The following HOMER1 variants were observed in gnomAD, a reference collection of about 807,000 sequenced individuals.
The protein encoded by HOMER1 is homer scaffold protein 1.
A neutral mutation model predicts 48.9 loss-of-function variants in HOMER1; 3 were observed. The ratio of observed to expected loss-of-function variants is 0.06; its 90% confidence interval spans 0.03 to 0.16. The LOEUF (loss-of-function observed/expected upper bound fraction) is 0.16. Ranked by LOEUF, HOMER1 falls within the 10% of genes least tolerant of loss-of-function variation. The probability of loss-of-function intolerance (pLI) is 1.00; values close to 1 mark genes in which losing one functional copy is unlikely to be tolerated. For missense variants in HOMER1, 247 were observed against 411.4 expected (o/e 0.60, Z 3.46); for synonymous variants, 134 against 146.4 (o/e 0.92, Z 0.61).
At chr5:79,448,037 T>C (rs1191056615) in intron 3 of HOMER1, among the ~76,000 whole-genome samples, 1 of 152,152 alleles carries the variant, frequency 6.6e-6, no homozygotes, top group Non-Finnish European at 1.5e-5. Context: ...AAGAAAAATT[T>C]TGGAAGGAAA....
chr5:79,508,162 T>G (rs1161113758), intron 1 of HOMER1, among the ~76,000 whole-genome samples: 1 of 152,240 alleles, frequency 6.6e-6, no homozygotes, highest in African/African-American at 2.4e-5. Flanking sequence ...ATGTTCTTAC[T>G]CTGCTTAAAA....
rs976536239 is a variant in HOMER1, at chr5:79,383,012, C to T, written c.877-6815G>A. ...CATACTTTACTTGTAAAAAGGCTTACAGATCAAAAGTAAATGTATGGAAAA... is the reference window on the plus strand; with the variant it reads ...CATACTTTACTTGTAAAAAGGCTTATAGATCAAAAGTAAATGTATGGAAAA... On this transcript the variant is annotated intron_variant, in intron 8 of 8. Transcript: ENST00000334082. 6.6e-5 allele frequency among the ~76,000 whole-genome samples: 10 copies of T among 152,184 alleles called. No homozygotes were observed. In the East Asian group the frequency reaches 1.9e-3, roughly 29 times the overall value.
chr5:79,438,767 G>A (rs1750662603), intron 5 of HOMER1, among the ~76,000 whole-genome samples: 1 of 151,482 alleles, frequency 6.6e-6, no homozygotes, highest in Non-Finnish European at 1.5e-5. Flanking sequence ...TTAGCCTAGT[G>A]CTCCTTTTTC....
chr5:79,458,003 T>TA (rs1751219625), intron 1 of HOMER1, among the ~76,000 whole-genome samples: 1 of 152,196 alleles, frequency 6.6e-6, no homozygotes, highest in African/African-American at 2.4e-5. Flanking sequence ...TGGGAAAACA[T>TA]ACATTCACTA....
intron 1 of HOMER1, among the ~76,000 whole-genome samples, chr5:79,461,504 T>C (rs1751317493): frequency 6.6e-6 from 1 of 152,216 alleles, no homozygotes; most frequent in Admixed American, 6.5e-5. Context: ...AAACACTGTG[T>C]TATATTCTAA....
intron 1 of HOMER1, among the ~76,000 whole-genome samples, chr5:79,458,382 G>T (rs1467964273): frequency 6.6e-6 from 1 of 151,394 alleles, no homozygotes; most frequent in Admixed American, 6.6e-5. Flanking sequence ...ATTTTAATTG[G>T]TAATATTTAA....
intron 6 of HOMER1, among the ~76,000 whole-genome samples, chr5:79,398,924 G>A (rs2112216802): frequency 6.6e-6 from 1 of 152,148 alleles, no homozygotes; most frequent in East Asian, 1.9e-4. Context: ...CTCAGCATGT[G>A]CTTTCTCCAG....
At chr5:79,397,431 C>T in intron 7 of HOMER1, 96 bp downstream of exon 7, 1 of 815,854 alleles carries the variant, frequency 1.2e-6, no homozygotes, top group East Asian at 2.6e-5. Context: ...CACAACCTGA[C>T]TTTATTCCAT....
chr5:79,417,903 A>G (rs1749987748), intron 5 of HOMER1, among the ~76,000 whole-genome samples: 1 of 152,226 alleles, frequency 6.6e-6, no homozygotes, highest in African/African-American at 2.4e-5. Context: ...AGATTTTACC[A>G]AAGCTAAAAT....
intron 4 of HOMER1, among the ~76,000 whole-genome samples, chr5:79,445,524 C>A (rs1398433740): frequency 6.6e-6 from 1 of 152,216 alleles, no homozygotes; most frequent in Non-Finnish European, 1.5e-5. Flanking sequence ...AGTAAAAGGT[C>A]CTTTGTTAAA....
rs374654166 is a variant in HOMER1, at chr5:79,426,981, T to A, written c.527+12029A>T. On this transcript the variant is annotated intron_variant, in intron 5 of 8. Transcript: ENST00000334082. Reference sequence around the variant, plus strand: ...AAAAAAATTGGGTTAATTTAGTGACTTAATTCTGCACTTTGTACATACAGC... The same window carrying A: ...AAAAAAATTGGGTTAATTTAGTGACATAATTCTGCACTTTGTACATACAGC... 5.9e-5 allele frequency among the ~76,000 whole-genome samples: 9 copies of A among 152,316 alleles called. No homozygotes were observed. In the East Asian group the frequency reaches 1.3e-3, roughly 23 times the overall value.
At chr5:79,399,438 T>C (rs553521636) in intron 6 of HOMER1, among the ~76,000 whole-genome samples, 5 of 152,328 alleles carry the variant, frequency 3.3e-5, no homozygotes, top group South Asian at 2.1e-4. Context: ...AGATGACAGT[T>C]TGAAGTTCTG....
intron 1 of HOMER1, among the ~76,000 whole-genome samples, chr5:79,462,165 C>G (rs1222252387): frequency 6.6e-6 from 1 of 151,996 alleles, no homozygotes; most frequent in East Asian, 1.9e-4. Flanking sequence ...CGCCACTGCA[C>G]CCCCAGCCTG....
intron 1 of HOMER1, among the ~76,000 whole-genome samples, chr5:79,500,963 G>GACAGACACACACACACACACAC (rs1426979946): frequency 9.8e-6 from 1 of 101,602 alleles, no homozygotes; most frequent in African/African-American, 3.4e-5. Context: ...GAGACAGACA[G>GACAGACACACACACACACACAC]ACACACACAC....
intron 8 of HOMER1, among the ~76,000 whole-genome samples, chr5:79,379,183 TTATA>T: frequency 9.6e-6 from 1 of 104,278 alleles, no homozygotes; most frequent in East Asian, 2.2e-4. Context: ...ATATATATTT[TTATA>T]TATCTATAAT....
At chr5:79,422,911 C>A (rs1750142362) in intron 5 of HOMER1, among the ~76,000 whole-genome samples, 1 of 129,536 alleles carries the variant, frequency 7.7e-6, no homozygotes, top group Non-Finnish European at 1.6e-5. Context: ...ACATGAAGAA[C>A]AACAAAGATG....
At chr5:79,495,401 T>C (rs1342697610) in intron 1 of HOMER1, among the ~76,000 whole-genome samples, 2 of 152,232 alleles carry the variant, frequency 1.3e-5, no homozygotes, top group Non-Finnish European at 2.9e-5. Context: ...CAAACATGAC[T>C]GGCTATGTGA....
intron 1 of HOMER1, among the ~76,000 whole-genome samples, chr5:79,474,268 A>ATC (rs1337591097): frequency 1.7e-5 from 2 of 119,870 alleles, no homozygotes; most frequent in African/African-American, 6.6e-5. Context: ...GCTCAGGCTG[A>ATC]TCTAGAACTC....
At chr5:79,443,286 A>G (rs1271736605) in intron 4 of HOMER1, among the ~76,000 whole-genome samples, 2 of 152,238 alleles carry the variant, frequency 1.3e-5, no homozygotes, top group Admixed American at 1.3e-4. Flanking sequence ...AATACTCACA[A>G]CTGAATTAGG....
Sources: gnomAD v4.1 joint callset for allele counts (sites outside exome capture counted in the v4.1 genomes callset) on GRCh38, gnomAD v4.1.1 for gene constraint, MANE v1.5 for transcripts, NCBI Gene and HGNC (gene_info 2026-07-23, HGNC 2026-07-21) for gene names.